The following ZNF783 variants were observed in gnomAD, a reference collection of about 807,000 sequenced individuals.
ZNF783 encodes protein ZNF783.
ZNF783 carries 25 observed loss-of-function variants against 31.3 expected under a neutral mutation model. That is an observed-to-expected ratio of 0.80 (90% CI 0.58 to 1.11). The LOEUF is 1.11. Among genes scored for constraint, ZNF783 ranks in the 50% most tolerant of loss-of-function variants. The probability of loss-of-function intolerance (pLI) is 0.00; values close to 1 mark genes in which losing one functional copy is unlikely to be tolerated. For missense variants in ZNF783, 797 were observed against 760.0 expected (o/e 1.05, Z -0.57); for synonymous variants, 369 against 319.1 (o/e 1.16, Z -1.66).
At chr7:149,266,204 A>T (rs1410778811) in intron 1 of ZNF783, 131 bp from the exon 2 acceptor site, 27 of 1,058,280 alleles carry the variant, frequency 2.6e-5, no homozygotes, top group Non-Finnish European at 3.4e-5. Context: ...TCTCCCCCCC[A>T]GTCTGCTGCT....
intron 4 of ZNF783, among the ~76,000 whole-genome samples, chr7:149,270,992 G>A (rs1232700148): frequency 6.6e-6 from 1 of 152,194 alleles, no homozygotes; most frequent in Non-Finnish European, 1.5e-5. Flanking sequence ...CTGTCGCCCA[G>A]GCTGGAGTGC....
rs183830002 is a variant in ZNF783 at position 149,266,356 on chromosome 7, A to G, written c.46A>G (p.Thr16Ala). 3,236 of 1,591,650 alleles carry G rather than the reference A, an allele frequency of 2.0e-3. 2 individuals carry two copies. The highest frequency in any genetic ancestry group is 2.6e-3 in the Non-Finnish European group (3,088 of 1,175,474). The change falls in exon 2 of 6, where the codon ACA becomes GCA. Residue 16 changes from threonine to alanine, a missense_variant. Thr to Ala is a moderately conservative substitution (Grantham distance 58). Transcript: ENST00000434415. ...GCAGGACCCCGAGACAGACAAGCAC[A>G]CAGAGGACCAGAGTCCTTCGACACC... ...PARDPETDKH[T>A]EDQSPSTPLP... is the part of the protein sequence containing the mutation.
intron 5 of ZNF783, among the ~76,000 whole-genome samples, chr7:149,279,221 C>T (rs1301611372): frequency 6.6e-6 from 1 of 152,236 alleles, no homozygotes; most frequent in Non-Finnish European, 1.5e-5. Flanking sequence ...GTTTCTCTTT[C>T]CAGCCAGTGT....
At position 149,266,503 on chromosome 7, in the gene ZNF783, C is replaced by T. The variant is rs1797070035; in HGVS notation, c.193C>T (p.Leu65=). The part of the protein sequence containing the change: ...KKVDSCLTRL[L]TLEGRTGTAE... ...GGTGGATTCCTGCCTGACCCGCTTG[C>T]TGACTCTGGAGGGGCGCACGGGGAC... Residue 65 remains leucine, a synonymous_variant, in exon 2 of 6, where the codon CTG becomes TTG. Coordinates refer to ENST00000434415, the MANE Select transcript of ZNF783 (RefSeq NM_001195220.2). 3.1e-6 allele frequency: 5 copies of T among 1,613,882 alleles called. No individual in the cohort carries two copies. The African/African-American group carries it at 5.3e-5, about 17-fold the overall frequency.
In ZNF783 at chr7:149,281,936, G is replaced by A; in HGVS notation, c.1234G>A (p.Glu412Lys). The change falls in exon 6 of 6, where the codon GAG (glutamate) becomes AAG (lysine). Residue 412 changes from glutamate to lysine, a missense_variant. By Grantham distance (56) the Glu-to-Lys change is moderately conservative. Coordinates refer to ENST00000434415, the MANE Select transcript of ZNF783 (RefSeq NM_001195220.2). ...PGPVIRWLPE[E>K]PEGRRSVAGG... ...CCCTGTCATCCGCTGGCTCCCCGAGGAGCCTGAGGGTCGCCGCTCCGTGGC... is the reference window on the plus strand; with the variant it reads ...CCCTGTCATCCGCTGGCTCCCCGAGAAGCCTGAGGGTCGCCGCTCCGTGGC... 1 of 1,545,542 alleles carries A rather than the reference G, an allele frequency of 6.5e-7. No homozygotes were observed. Among genetic ancestry groups the A allele is most frequent in the Non-Finnish European group, 8.7e-7 (1 of 1,150,666 alleles).
At chr7:149,271,125 A>G (rs1407628252) in intron 4 of ZNF783, among the ~76,000 whole-genome samples, 1 of 152,158 alleles carries the variant, frequency 6.6e-6, no homozygotes, top group African/African-American at 2.4e-5. Flanking sequence ...TTTTTGGTAG[A>G]GACGGGGTTT....
chr7:149,269,453 G>A (rs1450498506), intron 4 of ZNF783, among the ~76,000 whole-genome samples: 1 of 152,134 alleles, frequency 6.6e-6, no homozygotes, highest in Non-Finnish European at 1.5e-5. Context: ...TTTTGTTTTT[G>A]TTGCAGTTGC....
At chr7:149,265,368 A>G (rs1410187976) in intron 1 of ZNF783, among the ~76,000 whole-genome samples, 4 of 152,158 alleles carry the variant, frequency 2.6e-5, no homozygotes, top group Non-Finnish European at 5.9e-5. Flanking sequence ...AAAAAAGGCC[A>G]TATGAACTAT....
rs750234574 is a variant in ZNF783 at position 149,278,219 on chromosome 7, T to G, written c.674-180T>G. On this transcript the variant is annotated intron_variant, in intron 4 of 5. Transcript: ENST00000434415. ...TGCTGCAGTTTCCTTCTGTGGGACA[T>G]GAGGCTTTAGACTGGAATCTAGCTG... is the stretch of plus-strand genomic sequence containing the variant. 41 of 1,402,982 alleles carry G rather than the reference T, an allele frequency of 2.9e-5. No homozygotes were observed. The Admixed American group carries it at 5.2e-4, about 18-fold the overall frequency. 86.9% of individuals were successfully genotyped at this position (1,402,982 alleles called of 1,614,324 possible). A position where few individuals can be genotyped will look rare whatever the true frequency, so the allele number is the denominator to read the frequency against.
intron 4 of ZNF783, among the ~76,000 whole-genome samples, chr7:149,274,904 C>T (rs985866173): frequency 2.6e-5 from 4 of 152,108 alleles, no homozygotes; most frequent in African/African-American, 9.7e-5. Context: ...TCTGTATACA[C>T]TTTAGGATTA....
At chr7:149,272,803 A>T (rs1049552692) in intron 4 of ZNF783, among the ~76,000 whole-genome samples, 1 of 152,132 alleles carries the variant, frequency 6.6e-6, no homozygotes, top group African/African-American at 2.4e-5. Context: ...GACTGTAGTC[A>T]CCCTGTTATG....
intron 1 of ZNF783, among the ~76,000 whole-genome samples, chr7:149,264,968 A>G: frequency 7.3e-6 from 1 of 136,506 alleles, no homozygotes; most frequent in Non-Finnish European, 1.6e-5. Flanking sequence ...GAAGTGGGGG[A>G]GAAGGCTGGA....
chr7:149,262,218 G>A lies in ZNF783; in HGVS notation c.-116G>A, dbSNP rs1269029087. 2.0e-5 allele frequency: 19 copies of A among 965,680 alleles called. No individual in the cohort carries two copies. The African/African-American group carries it at 2.4e-4, about 12-fold the overall frequency. 59.8% of individuals were successfully genotyped at this position (965,680 alleles called of 1,614,324 possible). On this transcript the variant is annotated 5_prime_UTR_variant, in exon 1 of 6. Transcript: ENST00000434415. ...CTCGGGACGCAGTTCGCTGCCGCCC[G>A]GCAGTAGCTCTCAGGTTAGGCGGGT...
chr7:149,271,790 C>T (rs1368122831), intron 4 of ZNF783, among the ~76,000 whole-genome samples: 2 of 151,998 alleles, frequency 1.3e-5, no homozygotes, highest in Non-Finnish European at 2.9e-5. Flanking sequence ...ATTTGTATTC[C>T]CACCCCTGTC....
chr7:149,282,419 A>T lies in ZNF783; in HGVS notation c.*76A>T. 7.9e-7 allele frequency: 1 copy of T among 1,258,358 alleles called. No individual in the cohort carries two copies. The highest frequency in any genetic ancestry group is 1.1e-6 in the Non-Finnish European group (1 of 941,936). The allele number at this position is 1,258,358 out of a possible 1,614,324, so 77.9% of individuals were successfully genotyped here. A position where few individuals can be genotyped will look rare whatever the true frequency, so the allele number is the denominator to read the frequency against. ...GACGCAGGTTCTTCCTTTTCCTGGG[A>T]TGGAGAGAGGTTTGTTGTTTTTACC... On this transcript the variant is annotated 3_prime_UTR_variant, in exon 6 of 6. Transcript: ENST00000434415.
chr7:149,271,528 A>G (rs1025696888), intron 4 of ZNF783, among the ~76,000 whole-genome samples: 1 of 152,202 alleles, frequency 6.6e-6, no homozygotes, highest in Non-Finnish European at 1.5e-5. Flanking sequence ...TTCTCTATGT[A>G]GTTATGTCAC....
chr7:149,266,371 C>G lies in ZNF783; in HGVS notation c.61C>G (p.Pro21Ala), dbSNP rs767799252. The change falls in exon 2 of 6, where the codon CCT becomes GCT. Residue 21 changes from proline to alanine, a missense_variant. By Grantham distance (27) the Pro-to-Ala change is conservative. Transcript: ENST00000434415. ...AGACAAGCACACAGAGGACCAGAGT[C>G]CTTCGACACCCTTGCCCCAGCCAGC... is the stretch of plus-strand genomic sequence containing the variant. ...ETDKHTEDQS[P>A]STPLPQPAAE... is the part of the protein sequence containing the mutation. 3 of 1,597,552 alleles carry G rather than the reference C, an allele frequency of 1.9e-6. No individual in the cohort carries two copies. Among genetic ancestry groups the G allele is most frequent in the Middle Eastern group, 1.7e-4 (1 of 6,050 alleles).
intron 5 of ZNF783, among the ~76,000 whole-genome samples, chr7:149,279,632 G>GTGTTTTTTTTTTTTTTTTTTTCTTTT (rs1563198960): frequency 1.0e-5 from 1 of 100,342 alleles, no homozygotes; most frequent in African/African-American, 3.7e-5. Flanking sequence ...TTTTATCTTT[G>GTGTTTTTTTTTTTTTTTTTTTCTTTT]TTTTTTTTTT....
intron 1 of ZNF783, among the ~76,000 whole-genome samples, chr7:149,265,180 T>C (rs976134654): frequency 6.6e-6 from 1 of 152,158 alleles, no homozygotes; most frequent in East Asian, 1.9e-4. Context: ...TGAATGAAAT[T>C]GAGGAGTGAG....
Sources: gnomAD v4.1 joint callset for allele counts (sites outside exome capture counted in the v4.1 genomes callset) on GRCh38, gnomAD v4.1.1 for gene constraint, MANE v1.5 for transcripts, NCBI Gene and HGNC (gene_info 2026-07-23, HGNC 2026-07-21) for gene names.